The following SVEP1 variants were observed in gnomAD, a reference collection of about 807,000 sequenced individuals.
The protein encoded by SVEP1 is sushi, von Willebrand factor type A, EGF and pentraxin domain containing 1, also known as sushi, von Willebrand factor type A, EGF and pentraxin domain-containing protein 1.
In SVEP1, 164 loss-of-function variants were observed where a neutral mutation model predicts 367.3. The ratio of observed to expected loss-of-function variants is 0.45; its 90% CI spans 0.39 to 0.51. SVEP1 has a LOEUF of 0.51. SVEP1 is among the 20% of genes least tolerant of loss of function. The pLI is 0.00. For missense variants in SVEP1, 4,117 were observed against 4,425.3 expected (o/e 0.93, Z 1.98); for synonymous variants, 1,666 against 1,611.6 (o/e 1.03, Z -0.81).
At chr9:110,511,487 C>CATTTTTTT (rs1564163441) in intron 5 of SVEP1, among the ~76,000 whole-genome samples, 1 of 69,538 alleles carries the variant, frequency 1.4e-5, no homozygotes. Context: ...TGTGTCAGTA[C>CATTTTTTT]CTTTTTTTTT....
At chr9:110,497,099 T>A (rs1358250926) in intron 7 of SVEP1, among the ~76,000 whole-genome samples, 166 bp from the exon 8 acceptor site, 1 of 152,226 alleles carries the variant, frequency 6.6e-6, no homozygotes, top group Non-Finnish European at 1.5e-5. Context: ...ATCATTTATC[T>A]CAGCATGGCT....
chr9:110,538,030 T>C (rs753350885), intron 3 of SVEP1, among the ~76,000 whole-genome samples: 11 of 152,022 alleles, frequency 7.2e-5, no homozygotes, highest in Non-Finnish European at 1.3e-4. Context: ...ACAATCCTTA[T>C]CTTGAGAATT....
At chr9:110,433,364 CAAAAAAAAAAAAA>C in intron 30 of SVEP1, among the ~76,000 whole-genome samples, 1 of 80,484 alleles carries the variant, frequency 1.2e-5, no homozygotes, top group Non-Finnish European at 2.1e-5. Flanking sequence ...GTAGATAGGC[CAAAAAAAAAAAAA>C]AAAAAAAAAA....
In SVEP1 at chr9:110,469,039, C is replaced by CG; in HGVS notation, c.3060dup (p.Gly1021ArgfsTer6). Reference sequence around the variant, plus strand: ...TGCCCTTCTTCATCTTGATAGGATCCGATCCGGCAGCTTTCACAGGTGAAA... The same window carrying CG: ...TGCCCTTCTTCATCTTGATAGGATCCGGATCCGGCAGCTTTCACAGGTGAAA... On this transcript the variant is annotated frameshift_variant, in exon 17 of 48. Transcript: ENST00000374469. LOFTEE classifies it high-confidence loss of function. 1 of 1,613,754 alleles carries CG rather than the reference C, an allele frequency of 6.2e-7. No homozygotes were observed. Among genetic ancestry groups the CG allele is most frequent in the Non-Finnish European group, 8.5e-7 (1 of 1,179,782 alleles).
intron 1 of SVEP1, among the ~76,000 whole-genome samples, chr9:110,560,508 T>C (rs1249179667): frequency 6.6e-6 from 1 of 152,212 alleles, no homozygotes; most frequent in Non-Finnish European, 1.5e-5. Context: ...CAGTATCATG[T>C]GAACTCAGAA....
At position 110,435,225 on chromosome 9, in the gene SVEP1, A is replaced by G; in HGVS notation, c.4888+16T>C. ...GTCAAGAGATAGTGGAGTCTATGAA[A>G]GAAGGAAATTCTCACCAGAACAAAA... is the stretch of plus-strand genomic sequence containing the variant. On this transcript the variant is annotated intron_variant, in intron 29 of 47. Coordinates refer to ENST00000374469, the MANE Select transcript of SVEP1 (RefSeq NM_153366.4). 6.2e-7 allele frequency: 1 copy of G among 1,611,510 alleles called. No homozygotes were observed. The highest frequency in any genetic ancestry group is 1.1e-5 in the South Asian group (1 of 91,004).
intron 28 of SVEP1, 23 bp downstream of exon 28, chr9:110,436,357 C>T (rs768435549): frequency 6.2e-7 from 1 of 1,613,674 alleles, no homozygotes; most frequent in East Asian, 2.2e-5. Context: ...TCATTACTGT[C>T]ATACACTGAA....
At chr9:110,391,481 A>G (rs1176477888) in intron 40 of SVEP1, among the ~76,000 whole-genome samples, 3 of 152,078 alleles carry the variant, frequency 2.0e-5, no homozygotes, top group Non-Finnish European at 4.4e-5. Flanking sequence ...CATGTTGGAC[A>G]GGCTGGTCTC....
In SVEP1 at chr9:110,519,253, G is replaced by A. The variant is rs1339249134; in HGVS notation, c.965-5147C>T. Among the ~76,000 whole-genome samples, 4 of 152,346 alleles carry A rather than the reference G, an allele frequency of 2.6e-5. 1 individual carries two copies. In the East Asian group the frequency reaches 7.7e-4, roughly 29 times the overall value. On this transcript the variant is annotated intron_variant, in intron 3 of 47. Coordinates refer to ENST00000374469, the MANE Select transcript of SVEP1 (RefSeq NM_153366.4). ...GGCATGTTGTTGGCATTTGGGAAATGTTAGAATAATGTCTCCAACCCTTCA... is the reference window on the plus strand; with the variant it reads ...GGCATGTTGTTGGCATTTGGGAAATATTAGAATAATGTCTCCAACCCTTCA...
At chr9:110,414,483 C>CCAAACTA (rs1828088447) in intron 36 of SVEP1, among the ~76,000 whole-genome samples, 1 of 151,960 alleles carries the variant, frequency 6.6e-6, no homozygotes, top group Non-Finnish European at 1.5e-5. Flanking sequence ...TAGATAGGCT[C>CCAAACTA]AGTTCTTTGT....
chr9:110,393,448 C>T (rs539387982), intron 40 of SVEP1, among the ~76,000 whole-genome samples: 26 of 152,284 alleles, frequency 1.7e-4, no homozygotes, highest in South Asian at 6.2e-4. Context: ...GCGTGAGCGA[C>T]GCAGAAGACG....
chr9:110,566,324 TAATAAATAAATA>T lies in SVEP1; in HGVS notation c.531+12677_531+12688del, dbSNP rs199990111. Among the ~76,000 whole-genome samples, 6,150 of 141,952 alleles carry T rather than the reference TAATAAATAAATA, an allele frequency of 0.043. 765 individuals are homozygous for T. In the East Asian group the frequency reaches 0.51, roughly 12 times the overall value. 93.1% of individuals were successfully genotyped at this position (141,952 alleles called of 152,430 possible). Reference sequence around the variant, plus strand: ...GCAACAGAGCAAGATCCTGTCTCCATAATAAATAAATAAATAAATAAATAAATAAATAAATAA... The same window carrying T: ...GCAACAGAGCAAGATCCTGTCTCCATAATAAATAAATAAATAAATAAATAA... On this transcript the variant is annotated intron_variant, in intron 1 of 47. Transcript: ENST00000374469.
At chr9:110,425,538 ACTT>A (rs1356333674) in intron 36 of SVEP1, among the ~76,000 whole-genome samples, 6 of 152,234 alleles carry the variant, frequency 3.9e-5, no homozygotes, top group Admixed American at 6.5e-5. Context: ...TGGGAATAAT[ACTT>A]CTTCTGCCAA....
chr9:110,574,827 G>C (rs1368613111), intron 1 of SVEP1, among the ~76,000 whole-genome samples: 4 of 143,310 alleles, frequency 2.8e-5, no homozygotes, highest in Non-Finnish European at 6.0e-5. Context: ...CTCACGGCAA[G>C]CTCCGCCTCC....
At chr9:110,515,163 A>T (rs1226572632) in intron 3 of SVEP1, among the ~76,000 whole-genome samples, 1 of 152,228 alleles carries the variant, frequency 6.6e-6, no homozygotes, top group East Asian at 1.9e-4. Flanking sequence ...AATTTCAGAA[A>T]TTCAATAATA....
intron 18 of SVEP1, among the ~76,000 whole-genome samples, chr9:110,460,230 TTC>T (rs970163841): frequency 5.9e-5 from 9 of 152,336 alleles, no homozygotes; most frequent in Admixed American, 5.2e-4. Context: ...TTTAATTAAT[TTC>T]TGTTTTTAAT....
At chr9:110,511,488 CTTTTTTTTTT>C (rs199993986) in intron 5 of SVEP1, among the ~76,000 whole-genome samples, 13 of 77,568 alleles carry the variant, frequency 1.7e-4, no homozygotes, top group African/African-American at 3.6e-4. Context: ...GTGTCAGTAC[CTTTTTTTTTT>C]TTTTTTTTTT....
At chr9:110,392,161 T>C (rs546280646) in intron 40 of SVEP1, among the ~76,000 whole-genome samples, 1 of 107,332 alleles carries the variant, frequency 9.3e-6, no homozygotes, top group Non-Finnish European at 1.9e-5. Context: ...ATATCTCTTC[T>C]CTCTCTCTCC....
chr9:110,497,692 A>G (rs1029292957), intron 7 of SVEP1, among the ~76,000 whole-genome samples: 2 of 152,250 alleles, frequency 1.3e-5, no homozygotes, highest in African/African-American at 4.8e-5. Context: ...ACTTTATACT[A>G]TGGTGCTGAA....
Sources: allele counts gnomAD v4.1 joint callset (sites outside exome capture counted in the v4.1 genomes callset), GRCh38; gene constraint gnomAD v4.1.1; transcripts MANE v1.5; gene names NCBI Gene and HGNC (gene_info 2026-07-23, HGNC 2026-07-21).